Variants in PPP6R2 observed in about 807,000 individuals in gnomAD.
The protein encoded by PPP6R2 is serine/threonine-protein phosphatase 6 regulatory subunit 2.
Under a neutral mutation model 100.2 loss-of-function variants are expected in PPP6R2, and 62 were observed. The observed-to-expected ratio is 0.62, with a 90% CI of 0.50 to 0.76. PPP6R2 has a LOEUF of 0.76. Among genes scored for constraint, PPP6R2 ranks in the 30% least tolerant of loss-of-function variants. The pLI is 0.00. For missense variants in PPP6R2, 1,142 were observed against 1,276.3 expected, an observed-to-expected ratio of 0.89 and a Z score of 1.60; for synonymous variants, 525 against 514.7, an observed-to-expected ratio of 1.02 and a Z score of -0.27.
chr22:50,428,210 T>G (rs2062547159), intron 10 of PPP6R2, among the ~76,000 whole-genome samples: 1 of 152,216 alleles, frequency 6.6e-6, no homozygotes, highest in East Asian at 1.9e-4. Flanking sequence ...TAGTTTTCAG[T>G]GTACAAATCT....
intron 1 of PPP6R2, among the ~76,000 whole-genome samples, chr22:50,355,351 C>T (rs2046273700): frequency 6.6e-6 from 1 of 151,054 alleles, no homozygotes; most frequent in African/African-American, 2.4e-5. Context: ...CATTCTCCTG[C>T]CTCAGCCTCT....
chr22:50,363,165 C>T (rs776626886), intron 1 of PPP6R2, among the ~76,000 whole-genome samples: 10 of 152,196 alleles, frequency 6.6e-5, no homozygotes, highest in Non-Finnish European at 8.8e-5. Context: ...TGTCCTTGCA[C>T]GGCTGTGATT....
At chr22:50,334,853 G>T in the PPP6R2 span, among the ~76,000 whole-genome samples, 1 of 151,958 alleles carries the variant, frequency 6.6e-6, no homozygotes. Context: ...TGTAGTCCCA[G>T]CTACTTAGGA....
intron 5 of PPP6R2, 30 bp from the exon 6 acceptor site, chr22:50,416,062 G>A (rs1157939742): frequency 3.1e-6 from 5 of 1,591,120 alleles, no homozygotes; most frequent in Admixed American, 3.3e-5. Context: ...CTTGAGCAGC[G>A]ACACTGAAAG....
intron 3 of PPP6R2, among the ~76,000 whole-genome samples, chr22:50,395,364 G>C (rs1346061721): frequency 2.6e-5 from 4 of 152,152 alleles, no homozygotes; most frequent in African/African-American, 9.7e-5. Flanking sequence ...CAAGGATGGG[G>C]CTGGGGCGAG....
At chr22:50,415,332 C>T (rs181368647) in intron 5 of PPP6R2, among the ~76,000 whole-genome samples, 48 of 152,304 alleles carry the variant, frequency 3.2e-4, no homozygotes, top group African/African-American at 1.0e-3. Context: ...AGGACTCATC[C>T]GATGACCACT....
chr22:50,339,962 TTGTGTGGTG>T (rs2042353768), upstream of PPP6R2, among the ~76,000 whole-genome samples: 1 of 71,540 alleles, frequency 1.4e-5, no homozygotes, highest in Non-Finnish European at 2.8e-5. Flanking sequence ...TGTGTGTGTG[TTGTGTGGTG>T]TGTGTGGTAT....
At chr22:50,401,641 T>C (rs1386395619) in intron 3 of PPP6R2, among the ~76,000 whole-genome samples, 2 of 150,888 alleles carry the variant, frequency 1.3e-5, no homozygotes, top group Admixed American at 6.6e-5. Flanking sequence ...CCTCCCTTTT[T>C]CTTTTTTCTT....
At position 50,348,117 on chromosome 22, in the gene PPP6R2, TGTGCTTATGGTAAGGGAGAGAG is replaced by T. The variant is rs541796807; in HGVS notation, c.-148+4568_-148+4589del. ...CCTCCAGGAACCTAGATAAGACTGATGTGCTTATGGTAAGGGAGAGAGAGGCAGGAGCCTGGGCTGGAAAGTT... is the reference window on the plus strand; with the variant it reads ...CCTCCAGGAACCTAGATAAGACTGATAGGCAGGAGCCTGGGCTGGAAAGTT... On this transcript the variant is annotated intron_variant, in intron 1 of 23. Transcript: ENST00000612753. 8.1e-3 allele frequency among the ~76,000 whole-genome samples: 1,237 copies of T among 152,232 alleles called. 10 individuals carry two copies. Among genetic ancestry groups the T allele is most frequent in the Non-Finnish European group, 0.013 (881 of 68,016 alleles).
chr22:50,333,494 G>A, the PPP6R2 span, among the ~76,000 whole-genome samples: 10 of 151,978 alleles, frequency 6.6e-5, no homozygotes, highest in Non-Finnish European at 1.2e-4. Flanking sequence ...CTGCCACCAC[G>A]CCCGGCTAAT....
chr22:50,367,745 C>A (rs1164066501), intron 1 of PPP6R2, among the ~76,000 whole-genome samples: 2 of 152,076 alleles, frequency 1.3e-5, no homozygotes, highest in African/African-American at 4.8e-5. Context: ...TAGGGTCCAG[C>A]CCTACAGGGC....
chr22:50,427,782 G>A (rs1436974746), intron 10 of PPP6R2, among the ~76,000 whole-genome samples: 2 of 152,118 alleles, frequency 1.3e-5, no homozygotes, highest in East Asian at 1.9e-4. Context: ...GTGCAGTGGC[G>A]CGATCTCGGC....
At chr22:50,412,446 G>A (rs1462249904) in intron 4 of PPP6R2, among the ~76,000 whole-genome samples, 1 of 151,792 alleles carries the variant, frequency 6.6e-6, no homozygotes, top group African/African-American at 2.4e-5. Context: ...CCTCCCTCAA[G>A]TGCCAGGATT....
At chr22:50,396,876 G>A (rs1027527290) in intron 3 of PPP6R2, among the ~76,000 whole-genome samples, 3 of 152,212 alleles carry the variant, frequency 2.0e-5, no homozygotes, top group Non-Finnish European at 4.4e-5. Flanking sequence ...GGGTGGGGCA[G>A]CTGCAGCCAG....
At chr22:50,347,475 T>C (rs961331921) in intron 1 of PPP6R2, among the ~76,000 whole-genome samples, 2 of 152,008 alleles carry the variant, frequency 1.3e-5, no homozygotes, top group African/African-American at 4.8e-5. Context: ...GCCCTGTTGC[T>C]TCCATCCCCA....
chr22:50,444,197 A>G lies in PPP6R2; in HGVS notation c.2832-2A>G. The G allele has an allele frequency of 1.2e-6, 2 of 1,612,882 alleles. No homozygotes were observed. The highest frequency in any genetic ancestry group is 1.7e-6 in the Non-Finnish European group (2 of 1,179,716). On this transcript the variant is annotated splice_acceptor_variant, in intron 23 of 23. Transcript: ENST00000612753. LOFTEE classifies it high-confidence loss of function. ...GGTTCCAACCCCACCCCATTCCTGC[A>G]GGAAGACAGATGCCCCGCCAGAAGG...
chr22:50,438,284 G>T lies in PPP6R2; in HGVS notation c.1950G>T (p.Val650=). Residue 650 remains valine, a synonymous_variant, in exon 18 of 24, where the codon GTG becomes GTT. Transcript: ENST00000612753. ...EDSDTRCAAR[V]MARPRFGAPH... is the part of the protein sequence containing the mutation. ...GTGACACTCGCTGTGCTGCCCGGGTGATGGCCAGACCCAGGTGCGGGGCCT... is the reference window on the plus strand; with the variant it reads ...GTGACACTCGCTGTGCTGCCCGGGTTATGGCCAGACCCAGGTGCGGGGCCT... The T allele has an allele frequency of 6.2e-7, 1 of 1,612,862 alleles. No homozygotes were observed. Among genetic ancestry groups the T allele is most frequent in the Non-Finnish European group, 8.5e-7 (1 of 1,179,522 alleles).
rs1477485256 is a variant in PPP6R2, at chr22:50,416,151, T to A, written c.612T>A (p.Asp204Glu). The change falls in exon 6 of 24, where the codon GAT (aspartate) becomes GAA (glutamate). Residue 204 changes from aspartate (D) to glutamate (E), a missense_variant. Asp to Glu is a conservative substitution (Grantham distance 45, BLOSUM62 2). Coordinates refer to ENST00000612753, the MANE Select transcript of PPP6R2 (RefSeq NM_001242898.2). ...RLVELIHPSQ[D>E]EDRQSNASQT... ...TGGAGTTGATCCACCCGAGCCAGGA[T>A]GAAGATGTGAGTGTGCTGCTTACCG... is the stretch of plus-strand genomic sequence containing the variant. 6.2e-7 allele frequency: 1 copy of A among 1,612,814 alleles called. No individual in the cohort carries two copies. Among genetic ancestry groups the A allele is most frequent in the Non-Finnish European group, 8.5e-7 (1 of 1,179,106 alleles).
chr22:50,438,707 T>A lies in PPP6R2; in HGVS notation c.2073T>A (p.Gly691=). The A allele has an allele frequency of 6.2e-7, 1 of 1,613,322 alleles. No homozygotes were observed. The highest frequency in any genetic ancestry group is 1.1e-5 in the South Asian group (1 of 91,044). Reference sequence around the variant, plus strand: ...CACACAGAGATGCACCTGGGGCAGGTGCCCCACCGGCCCCCGGGAAGAAGG... The same window carrying A: ...CACACAGAGATGCACCTGGGGCAGGAGCCCCACCGGCCCCCGGGAAGAAGG... ...LEAHRDAPGA[G]APPAPGKKEA... The change falls in exon 19 of 24, where the codon GGT becomes GGA. Residue 691 remains glycine (G), a synonymous_variant. Coordinates refer to ENST00000612753, the MANE Select transcript of PPP6R2 (RefSeq NM_001242898.2).
Sources: allele counts gnomAD v4.1 joint callset (sites outside exome capture counted in the v4.1 genomes callset), GRCh38; gene constraint gnomAD v4.1.1; transcripts MANE v1.5; gene names NCBI Gene and HGNC (gene_info 2026-07-23, HGNC 2026-07-21).